LNPK: variants seen among roughly 807,000 people sequenced by gnomAD.
LNPK encodes lunapark, ER junction formation factor, also known as endoplasmic reticulum junction formation protein lunapark.
In LNPK, 29 loss-of-function variants were observed where a neutral mutation model predicts 55.2. That is an observed-to-expected ratio of 0.53 (90% confidence interval 0.39 to 0.72). The LOEUF (loss-of-function observed/expected upper bound fraction) is 0.72. Ranked by LOEUF, LNPK falls within the 30% of genes least tolerant of loss-of-function variation. LNPK has a pLI of 0.00. For synonymous variants in LNPK, 162 were observed against 168.2 expected (o/e 0.96, Z 0.29); for missense variants, 467 against 494.8 (o/e 0.94, Z 0.53).
chr2:175,939,498 C>T (rs1684710010), intron 10 of LNPK, 54 bp downstream of exon 10: 1 of 1,007,822 alleles, frequency 9.9e-7, no homozygotes, highest in African/African-American at 1.6e-5. Flanking sequence ...TGTGTACACA[C>T]ACACACACAT....
chr2:175,948,841 A>G (rs993361472), intron 8 of LNPK, among the ~76,000 whole-genome samples: 5 of 152,176 alleles, frequency 3.3e-5, no homozygotes, highest in Admixed American at 1.3e-4. Context: ...AATCTAGTCT[A>G]CTAGCTAAGA....
rs151230202 is a variant in LNPK at position 175,935,404 on chromosome 2, G to A, written c.1054+1940C>T. Among the ~76,000 whole-genome samples the A allele has an allele frequency of 2.7e-4, 41 of 152,224 alleles. No homozygotes were observed. In the East Asian group the frequency reaches 6.8e-3, roughly 25 times the overall value. ...TAGTTCAATATACTCATAAGCCACC[G>A]GGGTTCAAAACAAATGCAGCTTCAT... On this transcript the variant is annotated intron_variant, in intron 12 of 12. Transcript: ENST00000272748.
intron 8 of LNPK, among the ~76,000 whole-genome samples, chr2:175,962,451 G>C (rs1237808790): frequency 1.3e-5 from 2 of 152,046 alleles, no homozygotes; most frequent in Non-Finnish European, 2.9e-5. Context: ...CAAGAAATGG[G>C]GAAAAGATTC....
At chr2:175,937,912 T>A (rs1684630860) in intron 11 of LNPK, 1 of 176,326 alleles carries the variant, frequency 5.7e-6, no homozygotes, top group Admixed American at 6.0e-5. Context: ...ACATAATATT[T>A]CAGAAGCATT....
chr2:175,973,548 T>C (rs1686756225), intron 5 of LNPK, among the ~76,000 whole-genome samples: 4 of 152,226 alleles, frequency 2.6e-5, no homozygotes, highest in Admixed American at 2.6e-4. Flanking sequence ...TTCTGTTACA[T>C]ATTTTTACCA....
At chr2:175,976,284 T>A (rs1686909779) in intron 5 of LNPK, among the ~76,000 whole-genome samples, 3 of 152,176 alleles carry the variant, frequency 2.0e-5, no homozygotes, top group Non-Finnish European at 4.4e-5. Flanking sequence ...AAGCAAGAGA[T>A]GATAATGAAT....
chr2:175,992,353 T>C lies in LNPK; in HGVS notation c.135A>G (p.Arg45=), dbSNP rs745700723. The C allele has an allele frequency of 1.3e-6, 2 of 1,541,390 alleles. No individual in the cohort carries two copies. The highest frequency in any genetic ancestry group is 1.7e-6 in the Non-Finnish European group (2 of 1,150,390). ...NQRLQKLWVG[R]LILYSSVLYL... is the part of the protein sequence containing the mutation. ...AGAGAACTGAGGAATACAGAATTAATCTTCCAACCCATAATTTTTGTAATC... is the reference window on the plus strand; with the variant it reads ...AGAGAACTGAGGAATACAGAATTAACCTTCCAACCCATAATTTTTGTAATC... Residue 45 remains arginine, a synonymous_variant, in exon 4 of 13, where the codon AGA becomes AGG. Coordinates refer to ENST00000272748, the MANE Select transcript of LNPK (RefSeq NM_030650.3).
At chr2:175,970,026 C>A (rs984043822) in intron 6 of LNPK, among the ~76,000 whole-genome samples, 2 of 152,036 alleles carry the variant, frequency 1.3e-5, no homozygotes, top group African/African-American at 2.4e-5. Flanking sequence ...ATCATTTGTA[C>A]CTGATTAAAT....
chr2:175,968,270 CTT>C (rs2105644427), intron 6 of LNPK, among the ~76,000 whole-genome samples: 1 of 152,316 alleles, frequency 6.6e-6, no homozygotes, highest in African/African-American at 2.4e-5. Context: ...AACTATAACA[CTT>C]TTCCTCATGT....
chr2:175,943,006 G>T (rs576923175), intron 9 of LNPK, among the ~76,000 whole-genome samples: 1 of 150,518 alleles, frequency 6.6e-6, no homozygotes, highest in East Asian at 1.9e-4. Context: ...AACATTAAAA[G>T]AATAATTAGG....
At chr2:175,934,946 C>G (rs972899111) in intron 12 of LNPK, among the ~76,000 whole-genome samples, 5 of 151,956 alleles carry the variant, frequency 3.3e-5, no homozygotes, top group African/African-American at 1.2e-4. Context: ...TGAAAACTTT[C>G]CAAGATTCTG....
At position 175,930,002 on chromosome 2, in the gene LNPK, G is replaced by A. The variant is rs1261622523; in HGVS notation, c.1252C>T (p.Pro418Ser). The A allele has an allele frequency of 6.2e-7, 1 of 1,614,002 alleles. No homozygotes were observed. The highest frequency in any genetic ancestry group is 1.1e-5 in the South Asian group (1 of 91,074). ...GTCAAAGATTCTCCACTTAGTTCAG[G>A]ATCAGGAATAGAATCAGCTCCAGGA... ...TVPGADSIPD[P>S]ELSGESLTAE Residue 418 changes from proline (P) to serine (S), a missense_variant, in exon 13 of 13, where the codon CCT (proline) becomes TCT (serine). Transcript: ENST00000272748.
intron 9 of LNPK, among the ~76,000 whole-genome samples, chr2:175,941,468 C>T (rs553324174): frequency 6.6e-6 from 1 of 151,780 alleles, no homozygotes; most frequent in South Asian, 2.1e-4. Flanking sequence ...CAAGACAGTG[C>T]ATGAACAAAT....
rs1688195472 is a variant in LNPK at position 176,002,234 on chromosome 2, C to T, written c.-137G>A. The T allele has an allele frequency of 6.6e-6, 3 of 452,198 alleles. No individual in the cohort carries two copies. The highest frequency in any genetic ancestry group is 6.0e-5 in the African/African-American group (3 of 49,632). The allele number at this position is 452,198 out of a possible 1,614,324, so 28.0% of individuals were successfully genotyped here. On this transcript the variant is annotated 5_prime_UTR_variant, in exon 1 of 13. Coordinates refer to ENST00000272748, the MANE Select transcript of LNPK (RefSeq NM_030650.3). ...CGGCCGCCACCGCCCAGCCTGCCTC[C>T]AGAGCAGGCAGCAGCCGCCACTGAC...
chr2:175,992,509 G>GA (rs1434660903), intron 3 of LNPK, 91 bp from the exon 4 acceptor site: 18 of 722,798 alleles, frequency 2.5e-5, no homozygotes, highest in Non-Finnish European at 3.4e-5. Flanking sequence ...AGATATTTAA[G>GA]AAAAAACTCT....
chr2:175,959,928 C>G (rs1198325962), intron 8 of LNPK, among the ~76,000 whole-genome samples: 1 of 151,460 alleles, frequency 6.6e-6, no homozygotes, highest in Non-Finnish European at 1.5e-5. Context: ...TGTGAGAAAA[C>G]AGACTTTAAA....
chr2:175,947,718 C>G (rs1685216410), intron 8 of LNPK, 26 bp from the exon 9 acceptor site: 2 of 1,520,086 alleles, frequency 1.3e-6, no homozygotes, highest in East Asian at 4.5e-5. Flanking sequence ...ACATACTAGA[C>G]TTAATTTCCA....
At chr2:175,931,824 T>C (rs924251473) in intron 12 of LNPK, among the ~76,000 whole-genome samples, 1 of 152,172 alleles carries the variant, frequency 6.6e-6, no homozygotes, top group Non-Finnish European at 1.5e-5. Flanking sequence ...TACAGGCATG[T>C]ACAAATCATT....
chr2:175,993,114 T>TA, intron 3 of LNPK, 68 bp downstream of exon 3: 1 of 970,650 alleles, frequency 1.0e-6, no homozygotes, highest in Non-Finnish European at 1.5e-6. Flanking sequence ...TCCAAAATAA[T>TA]ATATACTACA....
Sources: allele counts gnomAD v4.1 joint callset (sites outside exome capture counted in the v4.1 genomes callset), GRCh38; gene constraint gnomAD v4.1.1; transcripts MANE v1.5; gene names NCBI Gene and HGNC (gene_info 2026-07-23, HGNC 2026-07-21).